Variants in NUP210L observed in about 807,000 individuals in gnomAD.
The protein encoded by NUP210L is nucleoporin 210 like, also known as nuclear pore membrane glycoprotein 210-like.
NUP210L carries 74 observed loss-of-function variants against 208.5 expected under a neutral mutation model. The ratio of observed to expected loss-of-function variants is 0.35; its 90% CI spans 0.29 to 0.43. The LOEUF (loss-of-function observed/expected upper bound fraction) is 0.43, where lower values mean the gene tolerates loss of function less well. NUP210L is among the 20% of genes least tolerant of loss of function. The probability of loss-of-function intolerance (pLI) is 1.00; values close to 1 mark genes in which losing one functional copy is unlikely to be tolerated. For synonymous variants in NUP210L, 780 were observed against 816.9 expected (o/e 0.95, Z 0.77); for missense variants, 1,843 against 2,289.4 (o/e 0.81, Z 3.98).
chr1:154,005,231 A>ATTTT (rs955032742), intron 35 of NUP210L, among the ~76,000 whole-genome samples: 3 of 149,882 alleles, frequency 2.0e-5, no homozygotes, highest in African/African-American at 7.4e-5. Flanking sequence ...TTATTTATTT[A>ATTTT]TTTTTTTGAG....
chr1:154,095,130 C>T (rs900719647), exon 15 of NUP210L: 12 of 1,613,568 alleles, frequency 7.4e-6, no homozygotes, highest in Admixed American at 1.7e-5. Flanking sequence ...GCCATGTCAC[C>T]AATGCCACTT....
intron 37 of NUP210L, among the ~76,000 whole-genome samples, chr1:153,998,532 C>T (rs193153173): frequency 8.1e-4 from 111 of 137,760 alleles, no homozygotes; most frequent in Middle Eastern, 8.2e-3. Context: ...CCAGACTGGG[C>T]GACAGAGCGA....
intron 30 of NUP210L, among the ~76,000 whole-genome samples, chr1:154,023,971 G>A (rs533057936): frequency 6.9e-4 from 104 of 151,598 alleles, no homozygotes; most frequent in African/African-American, 1.9e-3. Context: ...TGTATTTTTA[G>A]TAGAGATGGG....
chr1:154,143,934 C>T (rs1250819092), intron 2 of NUP210L, among the ~76,000 whole-genome samples: 2 of 152,138 alleles, frequency 1.3e-5, no homozygotes, highest in African/African-American at 2.4e-5. Context: ...GTAATCCCAG[C>T]ACTTTGGGAG....
intron 20 of NUP210L, among the ~76,000 whole-genome samples, chr1:154,059,179 A>C (rs1244482006): frequency 1.3e-5 from 2 of 152,188 alleles, no homozygotes; most frequent in East Asian, 3.8e-4. Context: ...TACCCAAAAC[A>C]AAACAAAAAT....
chr1:154,054,693 G>T, intron 24 of NUP210L, 77 bp downstream of exon 24: 1 of 1,039,224 alleles, frequency 9.6e-7, no homozygotes, highest in South Asian at 1.3e-5. Flanking sequence ...TCAATAGGAA[G>T]AGAGGTGTGT....
intron 32 of NUP210L, among the ~76,000 whole-genome samples, chr1:154,019,955 A>G (rs1269096417): frequency 2.0e-5 from 3 of 152,116 alleles, no homozygotes; most frequent in Non-Finnish European, 4.4e-5. Context: ...ACAAAAAAAG[A>G]GAGGGTAAAA....
intron 12 of NUP210L, among the ~76,000 whole-genome samples, chr1:154,110,821 T>C (rs1386889771): frequency 6.6e-6 from 1 of 150,952 alleles, no homozygotes; most frequent in African/African-American, 2.5e-5. Context: ...GTGGCTGCAG[T>C]GAGCTGTGAT....
chr1:154,005,873 G>A (rs555969323), intron 35 of NUP210L, among the ~76,000 whole-genome samples: 3 of 151,994 alleles, frequency 2.0e-5, no homozygotes, highest in Non-Finnish European at 2.9e-5. Flanking sequence ...ACAGGCATGC[G>A]CCATCACACC....
chr1:154,134,542 C>T (rs1272573274), intron 7 of NUP210L, among the ~76,000 whole-genome samples: 12 of 149,642 alleles, frequency 8.0e-5, no homozygotes, highest in African/African-American at 2.9e-4. Flanking sequence ...TCGAGACCAT[C>T]CTGGCTAACA....
At chr1:154,029,107 G>C (rs1652070012) in intron 28 of NUP210L, among the ~76,000 whole-genome samples, 1 of 150,526 alleles carries the variant, frequency 6.6e-6, no homozygotes, top group Non-Finnish European at 1.5e-5. Flanking sequence ...AGCCAGGCAT[G>C]GTGGCTCACA....
At chr1:154,074,773 G>A (rs1005832827) in intron 16 of NUP210L, among the ~76,000 whole-genome samples, 24 of 152,166 alleles carry the variant, frequency 1.6e-4, no homozygotes, top group African/African-American at 5.1e-4. Context: ...ACAGGCGTAA[G>A]CCACCGCACC....
At chr1:154,154,979 G>A (rs1037940734) in exon 1 of NUP210L, 2 of 1,613,950 alleles carry the variant, frequency 1.2e-6, no homozygotes, top group African/African-American at 2.7e-5. Flanking sequence ...ACAGGAGGCG[G>A]TGTAGACGCA....
At chr1:154,042,049 C>T (rs1652911321) in intron 27 of NUP210L, among the ~76,000 whole-genome samples, 1 of 151,962 alleles carries the variant, frequency 6.6e-6, no homozygotes, top group Non-Finnish European at 1.5e-5. Context: ...GGCATTTCCA[C>T]AGTGTAGGAA....
At chr1:154,082,876 T>C (rs1445322681) in intron 16 of NUP210L, among the ~76,000 whole-genome samples, 1 of 152,054 alleles carries the variant, frequency 6.6e-6, no homozygotes, top group Non-Finnish European at 1.5e-5. Flanking sequence ...GTTCATCATC[T>C]CGCTGGCTTC....
At chr1:154,149,237 C>A (rs1659267744) in intron 2 of NUP210L, among the ~76,000 whole-genome samples, 1 of 152,172 alleles carries the variant, frequency 6.6e-6, no homozygotes, top group South Asian at 2.1e-4. Flanking sequence ...AGGTGCCCAT[C>A]ACCACGCCCA....
chr1:153,995,251 T>C, intron 37 of NUP210L, 71 bp from the exon 38 acceptor site: 1 of 1,131,400 alleles, frequency 8.8e-7, no homozygotes, highest in African/African-American at 1.6e-5. Context: ...ATTTTTTAAA[T>C]TTAATTTTTT....
exon 11 of NUP210L, chr1:154,118,685 G>A (rs1304865611): frequency 2.5e-6 from 4 of 1,597,842 alleles, no homozygotes; most frequent in Admixed American, 1.7e-5. Flanking sequence ...ACTTTATAAC[G>A]ATATAACATT....
chr1:154,073,588 G>A (rs1654878663), intron 16 of NUP210L, among the ~76,000 whole-genome samples: 1 of 151,944 alleles, frequency 6.6e-6, no homozygotes, highest in Non-Finnish European at 1.5e-5. Flanking sequence ...GCCAAGGCGA[G>A]CAGATCACTT....
Sources: gnomAD v4.1 joint callset for allele counts (sites outside exome capture counted in the v4.1 genomes callset) on GRCh38, gnomAD v4.1.1 for gene constraint, MANE v1.5 for transcripts, NCBI Gene and HGNC (gene_info 2026-07-23, HGNC 2026-07-21) for gene names.